Variants in RELA observed in about 807,000 individuals in gnomAD.
RELA encodes the protein RELA proto-oncogene, NF-kB subunit.
Under a neutral mutation model 56.7 loss-of-function variants are expected in RELA, and 14 were observed. That is an observed-to-expected ratio of 0.25 (90% confidence interval 0.16 to 0.39). The LOEUF (loss-of-function observed/expected upper bound fraction) is 0.39. Ranked by LOEUF, RELA falls within the 10% of genes least tolerant of loss-of-function variation. The pLI, the probability that RELA is intolerant of heterozygous loss-of-function variation, is 1.00. For synonymous variants in RELA, 315 were observed against 289.7 expected (o/e 1.09, Z -0.89); for missense variants, 559 against 736.4 (o/e 0.76, Z 2.79).
rs562366957 is a variant in RELA, at chr11:65,655,612, G to A, written c.1033+76C>T. 102 of 1,422,116 alleles carry A rather than the reference G, an allele frequency of 7.2e-5. 1 individual carries two copies. In the South Asian group the frequency reaches 1.2e-3, roughly 16 times the overall value. 88.1% of individuals were successfully genotyped at this position (1,422,116 alleles called of 1,614,324 possible). ...TCAGTAGGTCTGTAATGGGGCCCAG[G>A]AGTCTTCATCTCCACTGCTCCTCAG... On this transcript the variant is annotated intron_variant, in intron 10 of 10. Coordinates refer to ENST00000406246, the MANE Select transcript of RELA (RefSeq NM_021975.4).
intron 8 of RELA, 51 bp from the exon 9 acceptor site, chr11:65,655,986 C>T (rs368553194): frequency 3.8e-5 from 58 of 1,518,382 alleles, no homozygotes; most frequent in Non-Finnish European, 4.4e-5. Flanking sequence ...GGTGGGTCCC[C>T]GACGCTCTCA....
In RELA at chr11:65,654,559, A is replaced by G; in HGVS notation, c.1475T>C (p.Met492Thr). ...TATAGCCTCAGGGTACTCCATCAGC[A>G]TGGGCTCAGTTGTGTGGGGGGCCAC... ...IPVAPHTTEP[M>T]LMEYPEAITR... The change falls in exon 11 of 11, where the codon ATG becomes ACG. Residue 492 changes from methionine (M) to threonine (T), a missense_variant. Around this residue, in one of 4 missense-constraint regions of RELA, gnomAD observed 365 missense variants for 387.5 expected, o/e 0.94. Coordinates refer to ENST00000406246, the MANE Select transcript of RELA (RefSeq NM_021975.4). 6.2e-7 allele frequency: 1 copy of G among 1,613,584 alleles called. No homozygotes were observed.
At position 65,659,825 on chromosome 11, in the gene RELA, G is replaced by C. The variant is rs781387305; in HGVS notation, c.428-28C>G. The C allele has an allele frequency of 8.2e-6, 13 of 1,594,964 alleles. No homozygotes were observed. In the African/African-American group the frequency reaches 1.7e-4, roughly 21 times the overall value. On this transcript the variant is annotated intron_variant, in intron 5 of 10. Transcript: ENST00000406246. ...GCCAAGAAAACAGGCGATCAGGAGA[G>C]CAGGGGAAGTGGGGATATAGGTGCT...
At chr11:65,655,441 T>G (rs1212318806) in intron 10 of RELA, 1 of 588,096 alleles carries the variant, frequency 1.7e-6, no homozygotes, top group Non-Finnish European at 3.0e-6. Context: ...AAGTGAGAGA[T>G]GAGAGCAGAG....
rs1278683582 is a variant in RELA, at chr11:65,654,106, A to G, written c.*272T>C. The G allele has an allele frequency of 2.0e-6, 1 of 497,768 alleles. No individual in the cohort carries two copies. Among genetic ancestry groups the G allele is most frequent in the Non-Finnish European group, 3.7e-6 (1 of 273,002 alleles). The allele number at this position is 497,768 out of a possible 1,614,324, so 30.8% of individuals were successfully genotyped here. A position where few individuals can be genotyped will look rare whatever the true frequency, so the allele number is the denominator to read the frequency against. ...TGGGGGACCCCAGAGTTCCCTACAG[A>G]GAAGGGAGCTGACCATCAGGACAGG... On this transcript the variant is annotated 3_prime_UTR_variant, in exon 11 of 11. Coordinates refer to ENST00000406246, the MANE Select transcript of RELA (RefSeq NM_021975.4).
At position 65,661,978 on chromosome 11, in the gene RELA, C is replaced by T. The variant is rs969818412; in HGVS notation, c.145G>A (p.Glu49Lys). ...EGRSAGSIPG[E>K]RSTDTTKTHP... The stretch of plus-strand genomic sequence containing the variant: ...GTCTTGGTGGTATCTGTGCTCCTCT[C>T]GCCTGGGATGCTGCCCGCGGAGCGC... Residue 49 changes from glutamate to lysine, a missense_variant, in exon 3 of 11, where the codon GAG becomes AAG. By Grantham distance (56) the Glu-to-Lys change is moderately conservative (BLOSUM62 1). Around this residue, in one of 4 missense-constraint regions of RELA, gnomAD observed 24 missense variants for 75.5 expected, o/e 0.32. Transcript: ENST00000406246. 3.1e-6 allele frequency: 5 copies of T among 1,613,952 alleles called. No individual in the cohort carries two copies. The highest frequency in any genetic ancestry group is 2.5e-6 in the Non-Finnish European group (3 of 1,179,990).
At chr11:65,655,529 G>T in intron 10 of RELA, 159 bp downstream of exon 10, 1 of 667,230 alleles carries the variant, frequency 1.5e-6, no homozygotes, top group Non-Finnish European at 2.6e-6. Flanking sequence ...AGGCTTCAGT[G>T]TGCATTAGCA....
chr11:65,660,399 T>G, intron 4 of RELA, 184 bp from the exon 5 acceptor site: 1 of 607,182 alleles, frequency 1.6e-6, no homozygotes, highest in Non-Finnish European at 2.9e-6. Context: ...AGCACCTCCG[T>G]GCCCCTGCCC....
chr11:65,654,845 G>T lies in RELA; in HGVS notation c.1189C>A (p.Pro397Thr). The change falls in exon 11 of 11, where the codon CCA becomes ACA. Residue 397 changes from proline to threonine, a missense_variant. By Grantham distance (38) the Pro-to-Thr change is conservative. Transcript: ENST00000406246. The stretch of plus-strand genomic sequence containing the variant: ...TGGGCCAGAGCTGATACCATGGCTG[G>T]AGCAGGGGCAGGGGCTGGAGCCTGG... ...LPQAPAPAPA[P>T]AMVSALAQAP... is the part of the protein sequence containing the mutation. 6.4e-7 allele frequency: 1 copy of T among 1,558,450 alleles called. No homozygotes were observed. Among genetic ancestry groups the T allele is most frequent in the Non-Finnish European group, 8.7e-7 (1 of 1,148,354 alleles).
chr11:65,657,255 G>C (rs757789569), intron 8 of RELA, among the ~76,000 whole-genome samples: 1 of 152,182 alleles, frequency 6.6e-6, no homozygotes, highest in Non-Finnish European at 1.5e-5. Context: ...AGCTTGGTCT[G>C]TAAGACGCAA....
At chr11:65,655,057 TCCTCTGTAC>T in intron 10 of RELA, 57 bp from the exon 11 acceptor site, 1 of 1,373,492 alleles carries the variant, frequency 7.3e-7, no homozygotes, top group Non-Finnish European at 1.0e-6. Context: ...ATCCACCCCG[TCCTCTGTAC>T]CCCAGCCCCT....
chr11:65,658,246 C>T lies in RELA; in HGVS notation c.877+41G>A. 1 of 1,474,296 alleles carries T rather than the reference C, an allele frequency of 6.8e-7. No individual in the cohort carries two copies. The highest frequency in any genetic ancestry group is 9.2e-7 in the Non-Finnish European group (1 of 1,081,174). 91.3% of individuals were successfully genotyped at this position (1,474,296 alleles called of 1,614,324 possible). Reference sequence around the variant, plus strand: ...CAGTCTTGGCCTCTCTCTCACGGCACAGAGCCCAGCTGCCCTGATGCTGCC... The same window carrying T: ...CAGTCTTGGCCTCTCTCTCACGGCATAGAGCCCAGCTGCCCTGATGCTGCC... On this transcript the variant is annotated intron_variant, in intron 8 of 10. Coordinates refer to ENST00000406246, the MANE Select transcript of RELA (RefSeq NM_021975.4). The surrounding 1 kb of genome is among the most constrained non-coding windows in gnomAD (Gnocchi z 4.5).
At position 65,658,396 on chromosome 11, in the gene RELA, G is replaced by C. The variant is rs775930867; in HGVS notation, c.768C>G (p.Pro256=). 4 of 1,614,034 alleles carry C rather than the reference G, an allele frequency of 2.5e-6. No individual in the cohort carries two copies. The Middle Eastern group carries it at 4.9e-4, about 200-fold the overall frequency. Residue 256 remains proline, a synonymous_variant, in exon 8 of 11, where the codon CCC becomes CCG. Coordinates refer to ENST00000406246, the MANE Select transcript of RELA (RefSeq NM_021975.4). The surrounding 1 kb of genome is among the most constrained non-coding windows in gnomAD (Gnocchi z 4.5). Reference sequence around the variant, plus strand: ...GAGCCTGCAGGCTGGGGTCTGCGTAGGGAGGGGTCCGGAACACAATGGCCA... The same window carrying C: ...GAGCCTGCAGGCTGGGGTCTGCGTACGGAGGGGTCCGGAACACAATGGCCA... ...RQVAIVFRTP[P]YADPSLQAPV...
intron 4 of RELA, 132 bp from the exon 5 acceptor site, chr11:65,660,347 C>T: frequency 1.3e-6 from 1 of 774,134 alleles, no homozygotes; most frequent in Non-Finnish European, 2.2e-6. Flanking sequence ...CAGTGGCTTC[C>T]TACTGTGCTG....
At chr11:65,662,749 A>G in intron 1 of RELA, 77 bp downstream of exon 1, 2 of 1,134,720 alleles carry the variant, frequency 1.8e-6, no homozygotes, top group Non-Finnish European at 1.1e-6. Context: ...GAAGGGGCGG[A>G]AAGCGGCGCG....
Position 65,658,836 on chromosome 11 carries a change from A to G in RELA, c.560-14T>C, listed in dbSNP as rs751118630. 2.4e-5 allele frequency: 39 copies of G among 1,612,116 alleles called. No homozygotes were observed. Among genetic ancestry groups the G allele is most frequent in the Non-Finnish European group, 3.1e-5 (36 of 1,178,474 alleles). ...TGTTGGGGGCACCTGAGGCAGTGAAAACAAGGGAGGATGACCTGAGCCACG... is the reference window on the plus strand; with the variant it reads ...TGTTGGGGGCACCTGAGGCAGTGAAGACAAGGGAGGATGACCTGAGCCACG... On this transcript the variant is annotated splice_polypyrimidine_tract_variant and intron_variant, in intron 6 of 10. Coordinates refer to ENST00000406246, the MANE Select transcript of RELA (RefSeq NM_021975.4). The surrounding 1 kb of genome is among the most constrained non-coding windows in gnomAD (Gnocchi z 4.5).
In RELA at chr11:65,654,305, G is replaced by A; in HGVS notation, c.*73C>T. ...GGGGCAGTTGGAACACACCCCACCA[G>A]AATCCGTAAGTGCTTTTGGAGGGCT... On this transcript the variant is annotated 3_prime_UTR_variant, in exon 11 of 11. Transcript: ENST00000406246. 1.3e-6 allele frequency: 2 copies of A among 1,596,936 alleles called. No homozygotes were observed. The highest frequency in any genetic ancestry group is 1.7e-6 in the Non-Finnish European group (2 of 1,166,534).
At chr11:65,663,452 GC>G (rs151236281), upstream of RELA, among the ~76,000 whole-genome samples, 2,486 of 152,312 alleles carry the variant, frequency 0.016, 35 homozygotes, top group South Asian at 0.032. Context: ...AATGGGAGCG[GC>G]CGGACCTCCC....
Position 65,654,031 on chromosome 11 carries a change from TC to T in RELA, c.*346del. 1 of 369,440 alleles carries T rather than the reference TC, an allele frequency of 2.7e-6. No homozygotes were observed. The highest frequency in any genetic ancestry group is 5.1e-6 in the Non-Finnish European group (1 of 196,166). 22.9% of individuals were successfully genotyped at this position (369,440 alleles called of 1,614,324 possible). On this transcript the variant is annotated 3_prime_UTR_variant, in exon 11 of 11. Transcript: ENST00000406246. ...GCTTTGTGGGCTCAAAGGCCTTACC[TC>T]CAGCCTGCTTCTGTCTCTAGGAGAG...
Sources: gnomAD v4.1 joint callset for allele counts (sites outside exome capture counted in the v4.1 genomes callset) on GRCh38, gnomAD v4.1.1 for gene constraint, gnomAD v4.1.1 regional missense constraint, Gnocchi (gnomAD v3.1) non-coding constraint, MANE v1.5 for transcripts, NCBI Gene and HGNC (gene_info 2026-07-23, HGNC 2026-07-21) for gene names.